Variants in RAB8B observed in about 807,000 individuals in gnomAD.
RAB8B encodes ras-related protein Rab-8B.
Under a neutral mutation model 32.0 loss-of-function variants are expected in RAB8B, and 11 were observed. The observed-to-expected ratio is 0.34, with a 90% confidence interval of 0.22 to 0.57. The LOEUF is 0.57. RAB8B is among the 20% of genes least tolerant of loss of function. The pLI is 0.86. For synonymous variants in RAB8B, 103 were observed against 89.6 expected, an observed-to-expected ratio of 1.15 and a Z score of -0.85; for missense variants, 190 against 258.5, an observed-to-expected ratio of 0.73 and a Z score of 1.82.
chr15:63,250,571 A>C (rs968662226), intron 3 of RAB8B, among the ~76,000 whole-genome samples: 2 of 152,058 alleles, frequency 1.3e-5, no homozygotes, highest in Non-Finnish European at 2.9e-5. Flanking sequence ...AAGATGCTTC[A>C]TCTATTCAGT....
At chr15:63,190,826 C>T (rs773407482) in intron 1 of RAB8B, among the ~76,000 whole-genome samples, 4 of 152,192 alleles carry the variant, frequency 2.6e-5, no homozygotes, top group Non-Finnish European at 5.9e-5. Context: ...TACATTCTAC[C>T]TGCCTCCCTG....
intron 1 of RAB8B, among the ~76,000 whole-genome samples, chr15:63,243,285 G>A (rs148684963): frequency 1.3e-5 from 2 of 152,342 alleles, no homozygotes; most frequent in African/African-American, 2.4e-5. Context: ...GTACTGGTCT[G>A]TGGCCCAGGG....
Position 63,256,577 on chromosome 15 carries a change from A to G in RAB8B, c.397A>G (p.Lys133Glu). 1 of 1,601,616 alleles carries G rather than the reference A, an allele frequency of 6.2e-7. No homozygotes were observed. Among genetic ancestry groups the G allele is most frequent in the South Asian group, 1.1e-5 (1 of 88,820 alleles). The change falls in exon 5 of 8, where the codon AAA (lysine) becomes GAA (glutamate). Residue 133 changes from lysine (K) to glutamate (E), a missense_variant. Transcript: ENST00000321437. ...TATGAATGACAAAAGACAAGTGTCA[A>G]AAGAAAGAGGGGAGAAGGTAAATGT... ...CDMNDKRQVSKERGEKLAIDY... is the reference protein window; with the variant it reads ...CDMNDKRQVSEERGEKLAIDY...
chr15:63,193,586 C>T (rs1276368072), intron 1 of RAB8B, among the ~76,000 whole-genome samples: 7 of 152,048 alleles, frequency 4.6e-5, no homozygotes, highest in Admixed American at 1.3e-4. Flanking sequence ...CCAAGGCAGG[C>T]GGATCACAAG....
intron 1 of RAB8B, among the ~76,000 whole-genome samples, chr15:63,225,965 TCAGTAGCTGCGACTA>T (rs1262815093): frequency 1.3e-5 from 2 of 152,014 alleles, no homozygotes; most frequent in Admixed American, 1.3e-4. Flanking sequence ...CTCGGCCCCA[TCAGTAGCTGCGACTA>T]CAGGTGCTTG....
chr15:63,214,763 G>A (rs376484023), intron 1 of RAB8B, among the ~76,000 whole-genome samples: 6 of 152,238 alleles, frequency 3.9e-5, no homozygotes, highest in East Asian at 1.9e-4. Context: ...TGTGGGGGTT[G>A]AAACCTGCTT....
intron 1 of RAB8B, among the ~76,000 whole-genome samples, chr15:63,207,089 G>A (rs922864367): frequency 1.3e-5 from 2 of 152,122 alleles, no homozygotes; most frequent in Non-Finnish European, 2.9e-5. Flanking sequence ...TTTAATGGAA[G>A]TCACTTCCAA....
intron 2 of RAB8B, among the ~76,000 whole-genome samples, chr15:63,245,944 C>T (rs2038067780): frequency 6.6e-6 from 1 of 152,138 alleles, no homozygotes; most frequent in Non-Finnish European, 1.5e-5. Context: ...GTGAGCTCGG[C>T]TCACTGCAAC....
intron 1 of RAB8B, among the ~76,000 whole-genome samples, chr15:63,190,576 T>G (rs928185321): frequency 3.9e-5 from 6 of 152,170 alleles, no homozygotes; most frequent in African/African-American, 1.4e-4. Flanking sequence ...TCTCTTCACT[T>G]CCTTTGGATC....
At chr15:63,208,190 C>A (rs2037715000) in intron 1 of RAB8B, among the ~76,000 whole-genome samples, 1 of 152,180 alleles carries the variant, frequency 6.6e-6, no homozygotes, top group Non-Finnish European at 1.5e-5. Context: ...AGCTATATCT[C>A]TCTCTGTTTT....
chr15:63,203,168 G>A (rs982902103), intron 1 of RAB8B, among the ~76,000 whole-genome samples: 20 of 152,240 alleles, frequency 1.3e-4, no homozygotes, highest in African/African-American at 3.9e-4. Context: ...TTATTTCTTC[G>A]TGTATGAAAA....
chr15:63,207,192 TTGATG>T (rs1326630192), intron 1 of RAB8B, among the ~76,000 whole-genome samples: 1 of 152,232 alleles, frequency 6.6e-6, no homozygotes, highest in Non-Finnish European at 1.5e-5. Flanking sequence ...GATTATTGCA[TTGATG>T]TCCATATCTC....
chr15:63,206,449 C>G (rs749139321), intron 1 of RAB8B, among the ~76,000 whole-genome samples: 4 of 152,102 alleles, frequency 2.6e-5, no homozygotes, highest in Non-Finnish European at 5.9e-5. Context: ...ATCCCCTACT[C>G]CCTAACAAGT....
chr15:63,203,957 A>T (rs2037674681), intron 1 of RAB8B, among the ~76,000 whole-genome samples: 1 of 151,960 alleles, frequency 6.6e-6, no homozygotes, highest in African/African-American at 2.4e-5. Context: ...GAGGTTTTTA[A>T]CCTGCGTGGT....
At chr15:63,213,338 G>T (rs1456505251) in intron 1 of RAB8B, among the ~76,000 whole-genome samples, 3 of 152,248 alleles carry the variant, frequency 2.0e-5, no homozygotes, top group Middle Eastern at 6.8e-3. Flanking sequence ...TAGGCTAGGG[G>T]TGCTGTTATA....
At chr15:63,230,572 G>A (rs1415097882) in intron 1 of RAB8B, among the ~76,000 whole-genome samples, 1 of 152,222 alleles carries the variant, frequency 6.6e-6, no homozygotes, top group Non-Finnish European at 1.5e-5. Context: ...AAAATGCTGG[G>A]ATTACAGGCG....
At chr15:63,230,693 C>CTTA (rs1170291952) in intron 1 of RAB8B, among the ~76,000 whole-genome samples, 2 of 151,896 alleles carry the variant, frequency 1.3e-5, no homozygotes, top group African/African-American at 2.4e-5. Flanking sequence ...GATTTTACTA[C>CTTA]TTATTATTAT....
At chr15:63,191,747 C>T (rs1567006198) in intron 1 of RAB8B, among the ~76,000 whole-genome samples, 1 of 152,174 alleles carries the variant, frequency 6.6e-6, no homozygotes, top group Admixed American at 6.5e-5. Flanking sequence ...AAGTGAATCT[C>T]GCTGATGCTG....
intron 1 of RAB8B, among the ~76,000 whole-genome samples, chr15:63,243,648 C>T (rs2038049434): frequency 2.0e-5 from 3 of 152,112 alleles, no homozygotes; most frequent in Admixed American, 1.3e-4. Flanking sequence ...ATTACCAGTG[C>T]CCAGGTCCCA....
Sources: allele counts gnomAD v4.1 joint callset (sites outside exome capture counted in the v4.1 genomes callset), GRCh38; gene constraint gnomAD v4.1.1; transcripts MANE v1.5; gene names NCBI Gene and HGNC (gene_info 2026-07-23, HGNC 2026-07-21).